TCF7L2: variants seen among roughly 807,000 people sequenced by gnomAD.
The protein encoded by TCF7L2 is transcription factor 7 like 2, also known as transcription factor 7-like 2.
In TCF7L2, 23 loss-of-function variants were observed where a neutral mutation model predicts 77.9. The observed-to-expected ratio is 0.30, with a 90% CI of 0.21 to 0.42. The LOEUF is 0.42. Ranked by LOEUF, TCF7L2 falls within the 10% of genes least tolerant of loss-of-function variation. TCF7L2 has a pLI of 1.00. For synonymous variants in TCF7L2, 413 were observed against 340.2 expected (o/e 1.21, Z -2.36); for missense variants, 654 against 793.1 (o/e 0.82, Z 2.11).
chr10:113,107,243 C>T (rs911809875), intron 5 of TCF7L2, among the ~76,000 whole-genome samples: 6 of 152,060 alleles, frequency 3.9e-5, no homozygotes, highest in African/African-American at 1.4e-4. Context: ...TAATCCAGCT[C>T]GGCTGGGTAC....
At chr10:113,071,871 C>T (rs1372698517) in intron 5 of TCF7L2, among the ~76,000 whole-genome samples, 2 of 152,214 alleles carry the variant, frequency 1.3e-5, no homozygotes, top group East Asian at 3.9e-4. Context: ...GAGTGGATTC[C>T]TCCAGGTCAG....
chr10:113,009,959 T>G (rs987301701), intron 4 of TCF7L2, among the ~76,000 whole-genome samples: 1 of 152,020 alleles, frequency 6.6e-6, no homozygotes, highest in Non-Finnish European at 1.5e-5. Flanking sequence ...TTGGGGGTCT[T>G]AAGTCTTTGG....
At chr10:112,974,689 C>T (rs1459211175) in intron 4 of TCF7L2, among the ~76,000 whole-genome samples, 1 of 152,158 alleles carries the variant, frequency 6.6e-6, no homozygotes, top group Non-Finnish European at 1.5e-5. Context: ...ATGATCCACC[C>T]ACCTCGGCCT....
At chr10:113,131,235 C>G (rs1360107936) in intron 5 of TCF7L2, among the ~76,000 whole-genome samples, 1 of 152,128 alleles carries the variant, frequency 6.6e-6, no homozygotes, top group African/African-American at 2.4e-5. Context: ...TGAAATATAC[C>G]ATAGACTTAT....
chr10:113,078,480 G>A (rs182600915), intron 5 of TCF7L2, among the ~76,000 whole-genome samples: 4 of 152,152 alleles, frequency 2.6e-5, no homozygotes, highest in East Asian at 3.9e-4. Context: ...AGCTCACTGC[G>A]GCCTTGACCT....
intron 4 of TCF7L2, among the ~76,000 whole-genome samples, chr10:113,021,255 A>G (rs1264269272): frequency 1.3e-5 from 2 of 152,178 alleles, no homozygotes; most frequent in East Asian, 3.9e-4. Context: ...AATGGGTAAA[A>G]TATCAGAGTG....
intron 5 of TCF7L2, among the ~76,000 whole-genome samples, chr10:113,132,745 G>T (rs557963872): frequency 6.6e-6 from 1 of 152,148 alleles, no homozygotes; most frequent in Non-Finnish European, 1.5e-5. Context: ...TTATGTTAAC[G>T]CTAATCATTT....
intron 8 of TCF7L2, among the ~76,000 whole-genome samples, chr10:113,149,275 A>G (rs1289273164): frequency 1.3e-5 from 2 of 152,174 alleles, no homozygotes; most frequent in African/African-American, 4.8e-5. Flanking sequence ...GATGAAGATG[A>G]AGGTTGTTAG....
chr10:112,967,635 G>GTTT (rs111510229), intron 4 of TCF7L2, among the ~76,000 whole-genome samples: 9 of 141,722 alleles, frequency 6.4e-5, no homozygotes, highest in Admixed American at 1.4e-4. Context: ...AAAATTAAAA[G>GTTT]TTTTTTTTTT....
intron 4 of TCF7L2, among the ~76,000 whole-genome samples, chr10:113,026,177 C>A (rs2049122640): frequency 6.6e-6 from 1 of 150,758 alleles, no homozygotes; most frequent in Non-Finnish European, 1.5e-5. Context: ...CTGCGCCTGG[C>A]CTACCCCCTG....
Position 113,165,945 on chromosome 10 carries a change from G to GA in TCF7L2, c.1782_1783insA (p.Ser595IlefsTer14). 6.5e-7 allele frequency: 1 copy of GA among 1,540,286 alleles called. No homozygotes were observed. Among genetic ancestry groups the GA allele is most frequent in the Admixed American group, 2.1e-5 (1 of 48,244 alleles). On this transcript the variant is annotated frameshift_variant, in exon 14 of 14. Transcript: ENST00000627217. LOFTEE classifies it high-confidence loss of function. ...TGGCCGGGACCCAGCCCCAGCCGCT[G>GA]TCGCTCGTCACCAAGTCTTTAGAAT... is the stretch of plus-strand genomic sequence containing the variant.
At chr10:113,055,901 A>G (rs1330064779) in intron 5 of TCF7L2, among the ~76,000 whole-genome samples, 2 of 152,222 alleles carry the variant, frequency 1.3e-5, no homozygotes, top group African/African-American at 2.4e-5. Flanking sequence ...TCTGCTCTCT[A>G]ACAGTCACAT....
At chr10:113,117,282 T>TG (rs1429865240) in intron 5 of TCF7L2, among the ~76,000 whole-genome samples, 1 of 152,162 alleles carries the variant, frequency 6.6e-6, no homozygotes, top group Non-Finnish European at 1.5e-5. Context: ...AGCAGTTCTT[T>TG]GGGGAAAATA....
chr10:112,993,998 T>A (rs1339604682), intron 4 of TCF7L2, among the ~76,000 whole-genome samples: 1 of 151,692 alleles, frequency 6.6e-6, no homozygotes, highest in Non-Finnish European at 1.5e-5. Flanking sequence ...GAGGTTGCAG[T>A]TAGCTGAGAC....
At chr10:113,029,325 C>T (rs1177262362) in intron 4 of TCF7L2, among the ~76,000 whole-genome samples, 1 of 152,132 alleles carries the variant, frequency 6.6e-6, no homozygotes, top group Non-Finnish European at 1.5e-5. Context: ...TTATCTTTCA[C>T]AAGGTCTTGG....
intron 5 of TCF7L2, among the ~76,000 whole-genome samples, chr10:113,044,080 G>T (rs892012038): frequency 6.6e-6 from 1 of 152,186 alleles, no homozygotes; most frequent in African/African-American, 2.4e-5. Context: ...TTACCTTGGG[G>T]TGGATTTTTT....
chr10:112,965,524 T>G (rs1287495430), intron 4 of TCF7L2, among the ~76,000 whole-genome samples: 1 of 152,190 alleles, frequency 6.6e-6, no homozygotes, highest in Non-Finnish European at 1.5e-5. Context: ...CTGGAGAGCC[T>G]TCTTTTTTTG....
intron 4 of TCF7L2, among the ~76,000 whole-genome samples, chr10:112,973,657 T>C (rs2038781600): frequency 6.6e-6 from 1 of 152,192 alleles, no homozygotes; most frequent in African/African-American, 2.4e-5. Context: ...TGGTGCCATC[T>C]CGGCTCACTG....
intron 5 of TCF7L2, among the ~76,000 whole-genome samples, chr10:113,128,485 A>G (rs1237373205): frequency 6.6e-6 from 1 of 152,082 alleles, no homozygotes. Context: ...AGTTCAGTAA[A>G]TTAAAAACAT....
Sources: gnomAD v4.1 joint callset for allele counts (sites outside exome capture counted in the v4.1 genomes callset) on GRCh38, gnomAD v4.1.1 for gene constraint, MANE v1.5 for transcripts, NCBI Gene and HGNC (gene_info 2026-07-23, HGNC 2026-07-21) for gene names.